ERMARD: variants seen among roughly 807,000 people sequenced by gnomAD.
ERMARD encodes the protein endoplasmic reticulum membrane-associated RNA degradation protein.
A neutral mutation model predicts 83.9 loss-of-function variants in ERMARD; 71 were observed. The ratio of observed to expected loss-of-function variants is 0.85; its 90% CI spans 0.70 to 1.03. The LOEUF (loss-of-function observed/expected upper bound fraction) is 1.03, where lower values mean the gene tolerates loss of function less well. Among genes scored for constraint, ERMARD ranks in the 50% least tolerant of loss-of-function variants. The pLI is 0.00. For synonymous variants in ERMARD, 284 were observed against 298.6 expected (o/e 0.95, Z 0.50); for missense variants, 838 against 810.9 (o/e 1.03, Z -0.41).
chr6:169,751,493 C>T (rs1418705227), upstream of ERMARD: 7 of 1,611,630 alleles, frequency 4.3e-6, no homozygotes, highest in Non-Finnish European at 5.9e-6. Flanking sequence ...ACCGCCTCCC[C>T]TTCACCGCCG....
Position 169,762,469 on chromosome 6 carries a change from A to T in ERMARD, c.898A>T (p.Thr300Ser). Residue 300 changes from threonine to serine, a missense_variant, in exon 9 of 18, where the codon ACT becomes TCT. Transcript: ENST00000366773. ...CATATTGTTGCTGACACAACTGGAG[A>T]CTGGACTTAGGAATGTTTTTGCCAC... ...CAILLLTQLE[T>S]GLRNVFATLN... 1 of 1,614,124 alleles carries T rather than the reference A, an allele frequency of 6.2e-7. No individual in the cohort carries two copies. The highest frequency in any genetic ancestry group is 1.1e-5 in the South Asian group (1 of 91,072).
chr6:169,781,530 A>T lies in ERMARD; in HGVS notation c.*17A>T, dbSNP rs745774532. On this transcript the variant is annotated 3_prime_UTR_variant, in exon 18 of 18. Transcript: ENST00000366773. The stretch of plus-strand genomic sequence containing the variant: ...CTCTTATGAAAACTTGTAAGTCAGG[A>T]TGCTTTTAATTTTAACAGATTTTAA... 1 of 1,573,142 alleles carries T rather than the reference A, an allele frequency of 6.4e-7. No homozygotes were observed. The highest frequency in any genetic ancestry group is 8.6e-7 in the Non-Finnish European group (1 of 1,160,996).
At chr6:169,762,554 T>C (rs781693869) in intron 9 of ERMARD, 23 bp downstream of exon 9, 2 of 1,578,846 alleles carry the variant, frequency 1.3e-6, no homozygotes, top group Non-Finnish European at 1.7e-6. Flanking sequence ...TTATTATTGA[T>C]TGTGATCATT....
chr6:169,781,576 C>T lies in ERMARD; in HGVS notation c.*63C>T. The T allele has an allele frequency of 1.4e-6, 2 of 1,457,432 alleles. No homozygotes were observed. The highest frequency in any genetic ancestry group is 1.8e-6 in the Non-Finnish European group (2 of 1,086,560). The allele number at this position is 1,457,432 out of a possible 1,614,324, so 90.3% of individuals were successfully genotyped here. A position where few individuals can be genotyped will look rare whatever the true frequency, so the allele number is the denominator to read the frequency against. ...TTTAACAGCGTGTAAATTAAAAACC[C>T]AAAGACAGGGTGGAGTTGAGGGTCT... On this transcript the variant is annotated 3_prime_UTR_variant, in exon 18 of 18. Transcript: ENST00000366773.
chr6:169,770,427 AT>A (rs1207142917), intron 12 of ERMARD: 1 of 152,014 alleles, frequency 6.6e-6, no homozygotes, highest in Admixed American at 6.6e-5. Context: ...TTGATATTCC[AT>A]TTTATCAATA....
intron 9 of ERMARD, among the ~76,000 whole-genome samples, chr6:169,763,039 C>A (rs576268778): frequency 6.6e-6 from 1 of 152,340 alleles, no homozygotes; most frequent in East Asian, 1.9e-4. Context: ...CACACGCGTA[C>A]ACACAGCTGT....
At chr6:169,753,247 A>G (rs1292573767) in intron 1 of ERMARD, 1 of 154,362 alleles carries the variant, frequency 6.5e-6, no homozygotes, top group Non-Finnish European at 1.5e-5. Context: ...GGGGGAGGAT[A>G]GAGAGAGCTT....
intron 10 of ERMARD, chr6:169,767,497 T>C: frequency 6.5e-6 from 1 of 153,710 alleles, no homozygotes; most frequent in Non-Finnish European, 1.4e-5. Flanking sequence ...ACACCACACA[T>C]ACATACACAC....
intron 3 of ERMARD, 152 bp downstream of exon 3, chr6:169,755,574 C>A: frequency 1.1e-6 from 1 of 877,452 alleles, no homozygotes; most frequent in Non-Finnish European, 1.7e-6. Flanking sequence ...GGCTATTATG[C>A]AGGGTCTCCA....
intron 9 of ERMARD, among the ~76,000 whole-genome samples, chr6:169,764,661 C>A (rs1791977624): frequency 6.6e-6 from 1 of 152,136 alleles, no homozygotes; most frequent in African/African-American, 2.4e-5. Flanking sequence ...TGCTGCCTGC[C>A]AGATGGAGTT....
At chr6:169,752,826 A>G (rs2128339465) in intron 1 of ERMARD, among the ~76,000 whole-genome samples, 1 of 152,300 alleles carries the variant, frequency 6.6e-6, no homozygotes, top group East Asian at 1.9e-4. Context: ...TCTCCATGGA[A>G]AACCAGTACG....
chr6:169,768,951 T>C (rs754181001), intron 11 of ERMARD, among the ~76,000 whole-genome samples: 3 of 152,230 alleles, frequency 2.0e-5, no homozygotes, highest in Non-Finnish European at 4.4e-5. Flanking sequence ...AGAATCATGC[T>C]CATGTTCTGT....
chr6:169,780,189 A>G (rs1794047999), intron 17 of ERMARD, among the ~76,000 whole-genome samples: 2 of 152,298 alleles, frequency 1.3e-5, no homozygotes, highest in South Asian at 4.1e-4. Context: ...CACTGCTGGC[A>G]TTGTGGGCTG....
intron 2 of ERMARD, 136 bp from the exon 3 acceptor site, chr6:169,755,147 A>G (rs1790635724): frequency 2.0e-6 from 2 of 995,004 alleles, no homozygotes; most frequent in Non-Finnish European, 3.0e-6. Context: ...AAAGTATATC[A>G]TATGTTCAAT....
rs748192597 is a variant in ERMARD at position 169,758,966 on chromosome 6, A to G, written c.508-2A>G. The G allele has an allele frequency of 4.3e-6, 7 of 1,611,744 alleles. No individual in the cohort carries two copies. Among genetic ancestry groups the G allele is most frequent in the Non-Finnish European group, 5.9e-6 (7 of 1,178,700 alleles). ...TTAACTATGTAATGATTTGCGGATTAGATGAATGTGCTAAAAGTCTTCGTT... is the reference window on the plus strand; with the variant it reads ...TTAACTATGTAATGATTTGCGGATTGGATGAATGTGCTAAAAGTCTTCGTT... On this transcript the variant is annotated splice_acceptor_variant, in intron 5 of 17. Transcript: ENST00000366773. LOFTEE classifies it high-confidence loss of function.
rs755063011 is a variant in ERMARD, at chr6:169,762,438, CT to C, written c.868del (p.Cys290AlafsTer6). 10 of 1,613,630 alleles carry C rather than the reference CT, an allele frequency of 6.2e-6. No individual in the cohort carries two copies. In the African/African-American group the frequency reaches 1.2e-4, roughly 19 times the overall value. On this transcript the variant is annotated frameshift_variant, in exon 9 of 18. Coordinates refer to ENST00000366773, the MANE Select transcript of ERMARD (RefSeq NM_018341.3). LOFTEE classifies it high-confidence loss of function. ...CCCTTCAATTTCATAGGTTTGCTGA[CT>C]GCGCCATATTGTTGCTGACACAACT... ...VKFKSHRFAD[C>X]AILLLTQLET...
intron 15 of ERMARD, 169 bp downstream of exon 15, chr6:169,776,234 A>G (rs778275858): frequency 7.9e-6 from 12 of 1,522,488 alleles, no homozygotes; most frequent in Non-Finnish European, 8.9e-6. Context: ...ATCTCTGTGC[A>G]AGCTTGGCAC....
intron 1 of ERMARD, chr6:169,753,159 C>G (rs948734754): frequency 6.5e-6 from 1 of 154,182 alleles, no homozygotes; most frequent in Non-Finnish European, 1.5e-5. Context: ...TTTGCAGATT[C>G]CCCTGGTACC....
At chr6:169,759,344 G>A (rs1239005503) in intron 6 of ERMARD, among the ~76,000 whole-genome samples, 1 of 152,264 alleles carries the variant, frequency 6.6e-6, no homozygotes, top group East Asian at 1.9e-4. Context: ...TTTCATTAGG[G>A]TCTTCATCAG....
Sources: gnomAD v4.1 joint callset for allele counts (sites outside exome capture counted in the v4.1 genomes callset) on GRCh38, gnomAD v4.1.1 for gene constraint, MANE v1.5 for transcripts, NCBI Gene and HGNC (gene_info 2026-07-23, HGNC 2026-07-21) for gene names.